Variants in MLIP observed in about 807,000 individuals in gnomAD.
The protein encoded by MLIP is muscular LMNA-interacting protein.
In MLIP, 79 loss-of-function variants were observed where a neutral mutation model predicts 84.8. The observed-to-expected ratio is 0.93, with a 90% CI of 0.78 to 1.12. MLIP has a LOEUF of 1.12. Ranked by LOEUF, MLIP falls within the 50% of genes most tolerant of loss-of-function variation. MLIP has a pLI of 0.00. For missense variants in MLIP, 1,257 were observed against 1,160.6 expected (o/e 1.08, Z -1.21); for synonymous variants, 504 against 463.0 (o/e 1.09, Z -1.14).
intron 1 of MLIP, among the ~76,000 whole-genome samples, chr6:54,039,558 T>C (rs1426924919): frequency 6.6e-6 from 1 of 151,844 alleles, no homozygotes; most frequent in Non-Finnish European, 1.5e-5. Context: ...ATGGTGCTCA[T>C]CTGTGAATCT....
chr6:54,023,547 CATTT>C (rs1433955466), intron 1 of MLIP, among the ~76,000 whole-genome samples: 1 of 151,806 alleles, frequency 6.6e-6, no homozygotes, highest in Non-Finnish European at 1.5e-5. Context: ...GAGTTCATAC[CATTT>C]ATTTATTTTT....
rs993399431 is a variant in MLIP at position 54,137,703 on chromosome 6, C to A, written c.1634C>A (p.Ser545Tyr). The change falls in exon 4 of 14, where the codon TCC (serine) becomes TAC (tyrosine). Residue 545 changes from serine (S) to tyrosine (Y), a missense_variant. Coordinates refer to ENST00000502396, the MANE Select transcript of MLIP (RefSeq NM_001281747.2). ...CTCTCCCTGCTACAAACCAGTACAT[C>A]CAGTTCTGTGGGTCTTCCTCCTGTT... Reference protein sequence around the residue: ...TMLSLLQTSTSSSVGLPPVPP... With the variant: ...TMLSLLQTSTYSSVGLPPVPP... 2 of 1,535,968 alleles carry A rather than the reference C, an allele frequency of 1.3e-6. No individual in the cohort carries two copies. Among genetic ancestry groups the A allele is most frequent in the African/African-American group, 2.7e-5 (2 of 73,030 alleles).
At chr6:54,158,788 T>C (rs1230650456) in intron 5 of MLIP, among the ~76,000 whole-genome samples, 1 of 152,044 alleles carries the variant, frequency 6.6e-6, no homozygotes, top group Non-Finnish European at 1.5e-5. Flanking sequence ...GTGCTGATGC[T>C]CTGGTAAGAG....
chr6:54,062,201 T>C (rs1439430171), intron 1 of MLIP, among the ~76,000 whole-genome samples: 3 of 152,194 alleles, frequency 2.0e-5, no homozygotes, highest in Non-Finnish European at 2.9e-5. Context: ...TTTTTTTCTT[T>C]GTAGTGTTTC....
chr6:54,117,635 T>C (rs1233269156), intron 1 of MLIP, among the ~76,000 whole-genome samples: 1 of 151,842 alleles, frequency 6.6e-6, no homozygotes, highest in Non-Finnish European at 1.5e-5. Context: ...TGTTTGCAGA[T>C]GACAGGATCT....
chr6:54,021,214 A>G (rs143937993), intron 1 of MLIP, among the ~76,000 whole-genome samples: 1 of 152,186 alleles, frequency 6.6e-6, no homozygotes, highest in African/African-American at 2.4e-5. Context: ...GGAGTTCACT[A>G]TTTTCTGAAA....
intron 9 of MLIP, among the ~76,000 whole-genome samples, chr6:54,183,811 C>T (rs537511126): frequency 5.7e-5 from 8 of 139,326 alleles, no homozygotes; most frequent in African/African-American, 1.3e-4. Context: ...GTGGCGCGAT[C>T]GTGACTCACT....
intron 12 of MLIP, among the ~76,000 whole-genome samples, chr6:54,249,249 A>C (rs1782290968): frequency 6.6e-6 from 1 of 152,098 alleles, no homozygotes; most frequent in Non-Finnish European, 1.5e-5. Context: ...TAAAGATGAA[A>C]ACCTAAAGCC....
At chr6:54,231,756 C>T (rs1023807317) in intron 12 of MLIP, among the ~76,000 whole-genome samples, 27 of 152,118 alleles carry the variant, frequency 1.8e-4, no homozygotes, top group African/African-American at 6.3e-4. Context: ...AAGGTATCTA[C>T]CTCCAGTTAA....
At chr6:54,038,848 CAAATTA>C (rs1764590290) in intron 1 of MLIP, among the ~76,000 whole-genome samples, 1 of 151,804 alleles carries the variant, frequency 6.6e-6, no homozygotes, top group African/African-American at 2.4e-5. Flanking sequence ...TAAAATAACT[CAAATTA>C]AAATTGTTTT....
At chr6:54,169,021 TG>T (rs1462845212) in intron 8 of MLIP, among the ~76,000 whole-genome samples, 1 of 151,678 alleles carries the variant, frequency 6.6e-6, no homozygotes, top group Non-Finnish European at 1.5e-5. Context: ...ATGATGTGGA[TG>T]TTGCACTAGT....
intron 11 of MLIP, among the ~76,000 whole-genome samples, chr6:54,212,018 C>G: frequency 6.6e-6 from 1 of 152,144 alleles, no homozygotes; most frequent in South Asian, 2.1e-4. Flanking sequence ...CTCTGGAATT[C>G]GTCATATTCC....
intron 1 of MLIP, among the ~76,000 whole-genome samples, chr6:54,096,962 G>A (rs1034349373): frequency 6.6e-5 from 10 of 152,140 alleles, no homozygotes; most frequent in African/African-American, 2.4e-4. Context: ...CTAAGATAGT[G>A]GAGGGTGAGA....
At chr6:54,265,550 A>T (rs1252526409) in intron 13 of MLIP, among the ~76,000 whole-genome samples, 1 of 152,144 alleles carries the variant, frequency 6.6e-6, no homozygotes, top group Non-Finnish European at 1.5e-5. Flanking sequence ...TTGTTAGATG[A>T]TGCATTTTAG....
chr6:54,124,846 C>A lies in MLIP; in HGVS notation c.626C>A (p.Pro209His). Residue 209 changes from proline (P) to histidine (H), a missense_variant, in exon 3 of 14, where the codon CCT becomes CAT. Pro to His is a moderately conservative substitution (Grantham distance 77, BLOSUM62 -2). Coordinates refer to ENST00000502396, the MANE Select transcript of MLIP (RefSeq NM_001281747.2). ...SHPEMLHGMA[P>H]QQKHGQLTSS... The stretch of plus-strand genomic sequence containing the variant: ...CCTGAAATGCTTCATGGGATGGCCC[C>A]TCAGCAAAAGCATGGGCAGGTAGGT... 6.3e-7 allele frequency: 1 copy of A among 1,596,000 alleles called. No individual in the cohort carries two copies.
intron 5 of MLIP, among the ~76,000 whole-genome samples, chr6:54,149,334 A>G (rs1042450787): frequency 6.6e-6 from 1 of 152,118 alleles, no homozygotes; most frequent in South Asian, 2.1e-4. Flanking sequence ...ACTGAATATG[A>G]GCCTAGGGAT....
At chr6:54,111,306 T>C, upstream of MLIP, 2 of 1,168,202 alleles carry the variant, frequency 1.7e-6, 1 homozygote, top group South Asian at 3.7e-5. Context: ...CTAAAAATTG[T>C]CAAAACAGAA....
chr6:54,135,274 A>C (rs1310725480), intron 3 of MLIP, among the ~76,000 whole-genome samples: 2 of 152,034 alleles, frequency 1.3e-5, no homozygotes, highest in African/African-American at 4.8e-5. Context: ...TTGACTTTTA[A>C]TTATCTCTGA....
intron 5 of MLIP, among the ~76,000 whole-genome samples, chr6:54,158,430 T>C (rs895738527): frequency 6.6e-6 from 1 of 152,120 alleles, no homozygotes; most frequent in Non-Finnish European, 1.5e-5. Context: ...TACAATTGCT[T>C]ATTGCATTTT....
Sources: allele counts gnomAD v4.1 joint callset (sites outside exome capture counted in the v4.1 genomes callset), GRCh38; gene constraint gnomAD v4.1.1; transcripts MANE v1.5; gene names NCBI Gene and HGNC (gene_info 2026-07-23, HGNC 2026-07-21).